Variants in AKAP9 observed in about 807,000 individuals in gnomAD.
AKAP9 encodes A-kinase anchoring protein 9.
AKAP9 carries 311 observed loss-of-function variants against 488.5 expected under a neutral mutation model. The ratio of observed to expected loss-of-function variants is 0.64; its 90% CI spans 0.58 to 0.70. AKAP9 has a LOEUF of 0.70. Ranked by LOEUF, AKAP9 falls within the 30% of genes least tolerant of loss-of-function variation. The pLI, the probability that AKAP9 is intolerant of heterozygous loss-of-function variation, is 0.00. For missense variants in AKAP9, 4,215 were observed against 4,374.5 expected, an observed-to-expected ratio of 0.96 and a Z score of 1.03; for synonymous variants, 1,462 against 1,483.5, an observed-to-expected ratio of 0.99 and a Z score of 0.33.
intron 14 of AKAP9, among the ~76,000 whole-genome samples, chr7:92,025,847 G>T (rs1349064220): frequency 1.3e-5 from 2 of 152,172 alleles, no homozygotes; most frequent in Non-Finnish European, 2.9e-5. Context: ...ATGTAAAGTG[G>T]CTGTTTCCTT....
At chr7:92,067,483 A>G (rs961081723) in intron 26 of AKAP9, among the ~76,000 whole-genome samples, 2 of 152,000 alleles carry the variant, frequency 1.3e-5, no homozygotes, top group South Asian at 4.2e-4. Flanking sequence ...ATTCCAACCC[A>G]CTGATGGGTC....
Position 92,065,454 on chromosome 7 carries a change from A to G in AKAP9, c.6201A>G (p.Lys2067=), listed in dbSNP as rs1810618606. ...AAAAGCAGTTAGAAAAAATGAGAAAATTTTTAGATGTAAGTATTCTCAAGT... is the reference window on the plus strand; with the variant it reads ...AAAAGCAGTTAGAAAAAATGAGAAAGTTTTTAGATGTAAGTATTCTCAAGT... ...ALEKQLEKMR[K]FLDEQAIDRE... Residue 2067 remains lysine (K), a synonymous_variant, in exon 25 of 50, where the codon AAA becomes AAG. Transcript: ENST00000356239. 4 of 1,608,480 alleles carry G rather than the reference A, an allele frequency of 2.5e-6. No individual in the cohort carries two copies. Among genetic ancestry groups the G allele is most frequent in the Non-Finnish European group, 3.4e-6 (4 of 1,175,762 alleles).
chr7:92,072,225 T>C (rs958745777), intron 28 of AKAP9, among the ~76,000 whole-genome samples: 7 of 152,216 alleles, frequency 4.6e-5, no homozygotes, highest in Non-Finnish European at 1.0e-4. Context: ...ATCTAATAAC[T>C]GTCTACCTTT....
chr7:92,040,585 T>G lies in AKAP9; in HGVS notation c.4693-89T>G, dbSNP rs188224144. 194 of 907,844 alleles carry G rather than the reference T, an allele frequency of 2.1e-4. 1 individual carries two copies. In the Admixed American group the frequency reaches 4.6e-3, roughly 22 times the overall value. 56.2% of individuals were successfully genotyped at this position (907,844 alleles called of 1,614,324 possible). A position where few individuals can be genotyped will look rare whatever the true frequency, so the allele number is the denominator to read the frequency against. ...TTATGGGATAAGGAATAGAATTGCT[T>G]TCGTATTTGTTTACAATATTAATGC... On this transcript the variant is annotated intron_variant, in intron 17 of 49. Coordinates refer to ENST00000356239, the MANE Select transcript of AKAP9 (RefSeq NM_005751.5).
chr7:91,986,657 A>G (rs1260434306), intron 3 of AKAP9, among the ~76,000 whole-genome samples: 1 of 152,172 alleles, frequency 6.6e-6, no homozygotes, highest in Non-Finnish European at 1.5e-5. Flanking sequence ...TTATAATAAG[A>G]CAGTCTTCAG....
chr7:92,073,805 T>C (rs1471300898), intron 28 of AKAP9, among the ~76,000 whole-genome samples: 1 of 152,250 alleles, frequency 6.6e-6, no homozygotes, highest in East Asian at 1.9e-4. Flanking sequence ...GACCAGTGCA[T>C]TTCAAACTTT....
At chr7:92,074,402 A>G (rs144108313) in intron 28 of AKAP9, among the ~76,000 whole-genome samples, 1 of 152,330 alleles carries the variant, frequency 6.6e-6, no homozygotes, top group East Asian at 1.9e-4. Flanking sequence ...GAACACCTTT[A>G]CACTGTTGAT....
chr7:92,035,753 T>C (rs1295072425), intron 16 of AKAP9, among the ~76,000 whole-genome samples: 1 of 152,178 alleles, frequency 6.6e-6, no homozygotes, highest in African/African-American at 2.4e-5. Context: ...CAGAATTCTT[T>C]AGTTGTTTTG....
Position 92,002,366 on chromosome 7 carries a change from G to A in AKAP9, c.2449G>A (p.Val817Met). The A allele has an allele frequency of 6.2e-7, 1 of 1,612,292 alleles. No homozygotes were observed. Among genetic ancestry groups the A allele is most frequent in the Non-Finnish European group, 8.5e-7 (1 of 1,179,240 alleles). Residue 817 changes from valine (V) to methionine (M), a missense_variant, in exon 8 of 50, where the codon GTG (valine) becomes ATG (methionine). Coordinates refer to ENST00000356239, the MANE Select transcript of AKAP9 (RefSeq NM_005751.5). The part of the protein sequence containing the change: ...DSIKSKSKDS[V>M]WEKEIEILIE... ...CATTAAGTCCAAATCCAAAGACTCT[G>A]TGTGGGAAAAAGAAATAGAAATACT...
intron 19 of AKAP9, 72 bp downstream of exon 19, chr7:92,042,258 G>A (rs1479543998): frequency 1.9e-6 from 3 of 1,589,518 alleles, no homozygotes; most frequent in East Asian, 4.5e-5. Flanking sequence ...CTTTGTTGTT[G>A]GTATGAGATG....
intron 46 of AKAP9, among the ~76,000 whole-genome samples, chr7:92,103,119 G>T (rs1262426243): frequency 6.6e-6 from 1 of 152,068 alleles, no homozygotes; most frequent in Non-Finnish European, 1.5e-5. Context: ...GGCCAGGCGT[G>T]GTGCCTCATG....
chr7:92,025,548 T>C (rs1802977729), intron 14 of AKAP9, among the ~76,000 whole-genome samples: 3 of 152,198 alleles, frequency 2.0e-5, no homozygotes, highest in Admixed American at 2.0e-4. Context: ...AGACTTGAAA[T>C]AGTTAAGAAA....
intron 7 of AKAP9, among the ~76,000 whole-genome samples, chr7:91,999,531 A>G (rs1798870284): frequency 6.6e-6 from 1 of 152,226 alleles, no homozygotes. Flanking sequence ...TATTATTTCC[A>G]TGGGCAAATG....
intron 18 of AKAP9, 117 bp from the exon 19 acceptor site, chr7:92,041,929 A>G (rs1414381903): frequency 9.4e-7 from 1 of 1,060,144 alleles, no homozygotes; most frequent in Non-Finnish European, 1.4e-6. Context: ...ATGGAATATG[A>G]ATCATAAGTA....
chr7:91,988,646 T>C (rs1430810919), intron 3 of AKAP9, among the ~76,000 whole-genome samples: 2 of 152,180 alleles, frequency 1.3e-5, no homozygotes, highest in Non-Finnish European at 2.9e-5. Flanking sequence ...GTATTTTACC[T>C]AAATATGACT....
At position 91,946,086 on chromosome 7, in the gene AKAP9, A is replaced by G. The variant is rs527355982; in HGVS notation, c.48+4939A>G. Reference sequence around the variant, plus strand: ...TGAAGAGTAGTTCCAATTGTGTACAAAAAAAAGGATGGTGCTCCATGCAAG... The same window carrying G: ...TGAAGAGTAGTTCCAATTGTGTACAGAAAAAAGGATGGTGCTCCATGCAAG... On this transcript the variant is annotated intron_variant, in intron 1 of 49. Coordinates refer to ENST00000356239, the MANE Select transcript of AKAP9 (RefSeq NM_005751.5). Among the ~76,000 whole-genome samples the G allele has an allele frequency of 5.9e-5, 9 of 152,228 alleles. No individual in the cohort carries two copies. The South Asian group carries it at 1.7e-3, about 28-fold the overall frequency.
chr7:92,032,450 C>T (rs1188923479), intron 16 of AKAP9, among the ~76,000 whole-genome samples: 6 of 149,366 alleles, frequency 4.0e-5, no homozygotes, highest in African/African-American at 7.5e-5. Context: ...GAGCTGAGAT[C>T]GCACCATTGT....
intron 27 of AKAP9, among the ~76,000 whole-genome samples, chr7:92,070,581 T>C (rs1811554318): frequency 6.6e-6 from 1 of 151,948 alleles, no homozygotes; most frequent in African/African-American, 2.4e-5. Context: ...ATTATAGGCA[T>C]GCGCCACCAC....
At chr7:92,084,492 T>A in intron 33 of AKAP9, 148 bp from the exon 34 acceptor site, 1 of 504,010 alleles carries the variant, frequency 2.0e-6, no homozygotes, top group Non-Finnish European at 3.5e-6. Context: ...ACAGACTTGT[T>A]AAAAAAAAAA....
Sources: gnomAD v4.1 joint callset for allele counts (sites outside exome capture counted in the v4.1 genomes callset) on GRCh38, gnomAD v4.1.1 for gene constraint, MANE v1.5 for transcripts, NCBI Gene and HGNC (gene_info 2026-07-23, HGNC 2026-07-21) for gene names.